The following ZNF695 variants were observed in gnomAD, a reference collection of about 807,000 sequenced individuals.
The protein encoded by ZNF695 is zinc finger protein 695.
Under a neutral mutation model 11.2 loss-of-function variants are expected in ZNF695, and 11 were observed. That is an observed-to-expected ratio of 0.98 (90% CI 0.62 to 1.62). The LOEUF is 1.62. Among genes scored for constraint, ZNF695 ranks in the 40% most tolerant of loss-of-function variants. The pLI is 0.00. For missense variants in ZNF695, 559 were observed against 590.5 expected (o/e 0.95, Z 0.55); for synonymous variants, 190 against 201.4 (o/e 0.94, Z 0.48).
chr1:247,004,042 G>A (rs1406132368), intron 1 of ZNF695, among the ~76,000 whole-genome samples: 4 of 152,134 alleles, frequency 2.6e-5, no homozygotes, highest in Non-Finnish European at 5.9e-5. Flanking sequence ...GTGAAACCCT[G>A]TCTCTACTAA....
intron 4 of ZNF695, among the ~76,000 whole-genome samples, chr1:246,969,857 C>T (rs1231845980): frequency 3.9e-5 from 6 of 152,116 alleles, no homozygotes; most frequent in Admixed American, 3.3e-4. Context: ...TCTTAAACAA[C>T]CAGATCTCGT....
At chr1:246,995,554 G>A (rs768688783) in intron 3 of ZNF695, among the ~76,000 whole-genome samples, 22 of 152,122 alleles carry the variant, frequency 1.4e-4, no homozygotes, top group African/African-American at 3.1e-4. Context: ...TTATGGCCAC[G>A]CGCAGTGGCT....
At chr1:247,002,710 G>C (rs142427719) in intron 1 of ZNF695, among the ~76,000 whole-genome samples, 231 of 152,272 alleles carry the variant, frequency 1.5e-3, no homozygotes, top group African/African-American at 5.2e-3. Flanking sequence ...TTGAACCCAG[G>C]GGGCAGAGGT....
chr1:246,969,963 T>C (rs887778631), intron 4 of ZNF695, among the ~76,000 whole-genome samples: 3 of 152,104 alleles, frequency 2.0e-5, no homozygotes, highest in African/African-American at 7.2e-5. Context: ...GGGATTACAA[T>C]TCAACATGAG....
chr1:246,973,523 T>C (rs1411341767), intron 4 of ZNF695, among the ~76,000 whole-genome samples: 1 of 152,248 alleles, frequency 6.6e-6, no homozygotes, highest in East Asian at 1.9e-4. Context: ...TGAGTTGCTA[T>C]GTGGCTATGG....
chr1:246,950,211 T>C (rs1667838556), intron 5 of ZNF695, among the ~76,000 whole-genome samples: 3 of 152,184 alleles, frequency 2.0e-5, no homozygotes, highest in Admixed American at 6.6e-5. Flanking sequence ...CGTGACCTTT[T>C]GGGAGAAAGA....
intron 5 of ZNF695, among the ~76,000 whole-genome samples, chr1:246,967,079 C>T (rs1668309046): frequency 6.6e-6 from 1 of 152,138 alleles, no homozygotes; most frequent in Non-Finnish European, 1.5e-5. Flanking sequence ...GCTGGGATTA[C>T]AGGCATGCGC....
rs929456520 is a variant in ZNF695 at position 246,994,705 on chromosome 1, A to C, written c.259+4643T>G. Among the ~76,000 whole-genome samples, 6 of 151,076 alleles carry C rather than the reference A, an allele frequency of 4.0e-5. No homozygotes were observed. The South Asian group carries it at 6.3e-4, about 16-fold the overall frequency. On this transcript the variant is annotated intron_variant, in intron 3 of 3. Transcript: ENST00000339986. ...ACAAAAAATTAGCTGGGCATGGTGGAGGGCGTCTGTAGTCCCAGCTACTCG... is the reference window on the plus strand; with the variant it reads ...ACAAAAAATTAGCTGGGCATGGTGGCGGGCGTCTGTAGTCCCAGCTACTCG...
rs762409515 is a variant in ZNF695 at position 246,986,896 on chromosome 1, AAT to A, written c.*69_*70del. The A allele has an allele frequency of 7.3e-6, 11 of 1,504,484 alleles. No individual in the cohort carries two copies. The highest frequency in any genetic ancestry group is 9.7e-6 in the Non-Finnish European group (11 of 1,129,646). 93.2% of individuals were successfully genotyped at this position (1,504,484 alleles called of 1,614,324 possible). A position where few individuals can be genotyped will look rare whatever the true frequency, so the allele number is the denominator to read the frequency against. On this transcript the variant is annotated 3_prime_UTR_variant, in exon 4 of 4. Transcript: ENST00000339986. ...ATTTGTAACACTCTTATTCAGTAAA[AAT>A]ATTCTGCTGTGAAGTTGTGAATAGG...
intron 3 of ZNF695, among the ~76,000 whole-genome samples, chr1:246,995,620 A>G (rs1045516708): frequency 6.6e-6 from 1 of 151,922 alleles, no homozygotes; most frequent in African/African-American, 2.4e-5. Context: ...ACCTGAGGTT[A>G]TGAGTTAAAG....
intron 5 of ZNF695, among the ~76,000 whole-genome samples, chr1:246,959,218 G>A (rs1668085344): frequency 7.6e-6 from 1 of 131,420 alleles, no homozygotes; most frequent in Non-Finnish European, 1.5e-5. Flanking sequence ...GTTTGAAACT[G>A]CAGTGAGGTA....
At chr1:246,956,236 C>G (rs1188829936) in intron 5 of ZNF695, among the ~76,000 whole-genome samples, 6 of 151,382 alleles carry the variant, frequency 4.0e-5, no homozygotes, top group Non-Finnish European at 1.5e-5. Context: ...GATCGACCAG[C>G]CTCGGCCTCC....
At position 246,963,481 on chromosome 1, in the gene ZNF695, C is replaced by T. The variant is rs1177464773; in HGVS notation, c.488+4214G>A. Reference sequence around the variant, plus strand: ...AAACTTCCTGACTTGTAGAGCTTCCCTTCCAGTGGTGGTGATGGTGGTGGG... The same window carrying T: ...AAACTTCCTGACTTGTAGAGCTTCCTTTCCAGTGGTGGTGATGGTGGTGGG... On this transcript the variant is annotated intron_variant, in intron 5 of 5. Coordinates refer to the ZNF695 transcript ENST00000487338. 3.9e-5 allele frequency among the ~76,000 whole-genome samples: 6 copies of T among 152,270 alleles called. No homozygotes were observed. In the East Asian group the frequency reaches 1.2e-3, roughly 29 times the overall value.
At chr1:246,948,967 G>C (rs1779959) in intron 5 of ZNF695, among the ~76,000 whole-genome samples, 78,155 of 151,980 alleles carry the variant, frequency 0.51, 20,273 homozygotes, top group Admixed American at 0.59. Context: ...AATACTGCCA[G>C]ATATTTAGTA....
chr1:246,986,773 G>A lies in ZNF695; in HGVS notation c.*194C>T. ...GTACAGTAAGAGCTGTGATATAAGT[G>A]GAGGTGTTGAACCGGTCTATTTGTA... On this transcript the variant is annotated 3_prime_UTR_variant, in exon 4 of 4. Coordinates refer to ENST00000339986, the MANE Select transcript of ZNF695 (RefSeq NM_020394.5). 1 of 1,329,418 alleles carries A rather than the reference G, an allele frequency of 7.5e-7. No individual in the cohort carries two copies. Among genetic ancestry groups the A allele is most frequent in the African/African-American group, 1.5e-5 (1 of 67,576 alleles). The allele number at this position is 1,329,418 out of a possible 1,614,324, so 82.4% of individuals were successfully genotyped here.
intron 3 of ZNF695, among the ~76,000 whole-genome samples, chr1:246,990,884 G>T (rs775678919): frequency 9.9e-5 from 15 of 152,040 alleles, no homozygotes; most frequent in Non-Finnish European, 1.6e-4. Flanking sequence ...AATTCAGGAG[G>T]AAATTTAAAA....
downstream of ZNF695, among the ~76,000 whole-genome samples, chr1:246,982,021 A>C (rs1668722376): frequency 6.6e-6 from 1 of 152,228 alleles, no homozygotes; most frequent in African/African-American, 2.4e-5. Flanking sequence ...TTGTAATCTC[A>C]GCACTTTGAG....
intron 1 of ZNF695, among the ~76,000 whole-genome samples, chr1:247,002,799 G>C (rs921994715): frequency 6.6e-6 from 1 of 151,770 alleles, no homozygotes; most frequent in Non-Finnish European, 1.5e-5. Context: ...AAAAGGGGGG[G>C]GCAGCAAAGG....
At chr1:246,958,506 A>G (rs2103003287) in intron 5 of ZNF695, among the ~76,000 whole-genome samples, 1 of 152,252 alleles carries the variant, frequency 6.6e-6, no homozygotes, top group Non-Finnish European at 1.5e-5. Flanking sequence ...CAGCCATCAC[A>G]TAGTAAGGAG....
Sources: gnomAD v4.1 joint callset for allele counts (sites outside exome capture counted in the v4.1 genomes callset) on GRCh38, gnomAD v4.1.1 for gene constraint, MANE v1.5 for transcripts, NCBI Gene and HGNC (gene_info 2026-07-23, HGNC 2026-07-21) for gene names.